Variants in CTNNBL1 observed in about 807,000 individuals in gnomAD.
CTNNBL1 encodes the protein catenin beta like 1, also known as beta-catenin-like protein 1.
In CTNNBL1, 31 loss-of-function variants were observed where a neutral mutation model predicts 72.7. The observed-to-expected ratio is 0.43, with a 90% confidence interval of 0.32 to 0.58. The LOEUF is 0.58. Ranked by LOEUF, CTNNBL1 falls within the 20% of genes least tolerant of loss-of-function variation. The probability of loss-of-function intolerance (pLI) is 0.08; values close to 1 mark genes in which losing one functional copy is unlikely to be tolerated. For missense variants in CTNNBL1, 534 were observed against 725.1 expected (o/e 0.74, Z 3.03); for synonymous variants, 240 against 267.3 (o/e 0.90, Z 1.00).
chr20:37,770,517 A>G (rs1208947430), intron 7 of CTNNBL1, among the ~76,000 whole-genome samples: 1 of 151,532 alleles, frequency 6.6e-6, no homozygotes, highest in Non-Finnish European at 1.5e-5. Flanking sequence ...ATACTGATTC[A>G]GGGATCTTCA....
At chr20:37,842,517 A>G (rs1197256150) in intron 13 of CTNNBL1, 98 bp downstream of exon 13, 7 of 799,146 alleles carry the variant, frequency 8.8e-6, no homozygotes, top group Non-Finnish European at 4.4e-6. Flanking sequence ...TAAGGGCAGC[A>G]GTGCCATCTA....
intron 7 of CTNNBL1, among the ~76,000 whole-genome samples, chr20:37,775,068 C>T (rs188477929): frequency 2.0e-5 from 3 of 152,122 alleles, no homozygotes; most frequent in East Asian, 1.9e-4. Context: ...TTTACAGCAC[C>T]GCTATGCCAA....
intron 5 of CTNNBL1, among the ~76,000 whole-genome samples, chr20:37,763,528 G>A (rs886552362): frequency 2.0e-5 from 3 of 152,126 alleles, no homozygotes; most frequent in African/African-American, 7.2e-5. Context: ...CCTTGTCCGT[G>A]TATTTCCCTT....
intron 11 of CTNNBL1, among the ~76,000 whole-genome samples, chr20:37,830,143 T>G (rs1025503852): frequency 6.6e-6 from 1 of 152,140 alleles, no homozygotes; most frequent in African/African-American, 2.4e-5. Context: ...TTTTTTAAAT[T>G]TTAACAGCTT....
At chr20:37,765,994 C>G (rs1370518582) in intron 6 of CTNNBL1, among the ~76,000 whole-genome samples, 1 of 152,130 alleles carries the variant, frequency 6.6e-6, no homozygotes, top group African/African-American at 2.4e-5. Context: ...TATCTGTAAA[C>G]AGAGCTTGAG....
intron 15 of CTNNBL1, among the ~76,000 whole-genome samples, chr20:37,869,709 G>A (rs1261364610): frequency 2.6e-5 from 4 of 152,248 alleles, no homozygotes; most frequent in Admixed American, 6.5e-5. Flanking sequence ...ACCCGGAGGA[G>A]GTGTGGGACT....
chr20:37,725,306 T>G (rs372423028), intron 1 of CTNNBL1, among the ~76,000 whole-genome samples: 193 of 152,202 alleles, frequency 1.3e-3, no homozygotes, highest in African/African-American at 4.5e-3. Flanking sequence ...TTTGATTTTT[T>G]TTTTTTGAGG....
intron 13 of CTNNBL1, among the ~76,000 whole-genome samples, chr20:37,850,189 G>A (rs915294120): frequency 3.7e-5 from 2 of 54,304 alleles, no homozygotes; most frequent in African/African-American, 1.7e-4. Flanking sequence ...ATTCAAGTGA[G>A]CAGTCTGTTT....
intron 8 of CTNNBL1, 103 bp downstream of exon 8, chr20:37,777,520 C>T: frequency 7.2e-7 from 1 of 1,387,104 alleles, no homozygotes; most frequent in Non-Finnish European, 1.0e-6. Flanking sequence ...CTTGCTCTCC[C>T]TCTCACTCCC....
chr20:37,823,945 A>G (rs532003967), intron 11 of CTNNBL1, among the ~76,000 whole-genome samples: 1 of 152,318 alleles, frequency 6.6e-6, no homozygotes, highest in East Asian at 1.9e-4. Flanking sequence ...CTTACAAAAG[A>G]CCAAAGTCTC....
chr20:37,800,221 C>A (rs150983303), intron 10 of CTNNBL1, among the ~76,000 whole-genome samples: 2 of 152,242 alleles, frequency 1.3e-5, no homozygotes, highest in Middle Eastern at 3.4e-3. Flanking sequence ...CAAGACCAGT[C>A]ACCTCTCTCC....
chr20:37,857,863 C>T (rs6021399), intron 13 of CTNNBL1, among the ~76,000 whole-genome samples: 9 of 152,280 alleles, frequency 5.9e-5, no homozygotes, highest in African/African-American at 2.2e-4. Flanking sequence ...CAAGTCCCCA[C>T]ACCGAGTTCT....
intron 10 of CTNNBL1, among the ~76,000 whole-genome samples, chr20:37,800,423 C>G (rs184029261): frequency 2.0e-5 from 3 of 152,190 alleles, no homozygotes; most frequent in Non-Finnish European, 4.4e-5. Context: ...TCTGCCCTAC[C>G]ACTGCTCTCT....
At chr20:37,694,621 T>C (rs2072774416) in intron 1 of CTNNBL1, among the ~76,000 whole-genome samples, 1 of 152,230 alleles carries the variant, frequency 6.6e-6, no homozygotes, top group South Asian at 2.1e-4. Context: ...GAGACACTAA[T>C]AACTGCCTTA....
chr20:37,790,446 G>A (rs1180482639), intron 10 of CTNNBL1, among the ~76,000 whole-genome samples: 2 of 152,110 alleles, frequency 1.3e-5, no homozygotes, highest in African/African-American at 2.4e-5. Flanking sequence ...TGATGGGGCC[G>A]TATACAGGTT....
chr20:37,854,007 C>A (rs1376835738), intron 13 of CTNNBL1, among the ~76,000 whole-genome samples: 1 of 152,210 alleles, frequency 6.6e-6, no homozygotes, highest in African/African-American at 2.4e-5. Flanking sequence ...TTCAATGCAG[C>A]AATGATGATG....
chr20:37,813,680 C>T (rs899370769), intron 11 of CTNNBL1, among the ~76,000 whole-genome samples: 4 of 152,074 alleles, frequency 2.6e-5, no homozygotes, highest in African/African-American at 7.2e-5. Flanking sequence ...CAGTAGGACT[C>T]TGTTAGTTTT....
intron 11 of CTNNBL1, among the ~76,000 whole-genome samples, chr20:37,819,472 C>T (rs952312371): frequency 6.6e-6 from 1 of 152,156 alleles, no homozygotes; most frequent in African/African-American, 2.4e-5. Context: ...AACTGTCATA[C>T]CTGTACCACT....
At chr20:37,870,325 C>A (rs771146055) in intron 15 of CTNNBL1, among the ~76,000 whole-genome samples, 4 of 152,108 alleles carry the variant, frequency 2.6e-5, no homozygotes, top group Non-Finnish European at 5.9e-5. Context: ...TTCTCTCTCC[C>A]TCCCTTCCCC....
Sources: gnomAD v4.1 joint callset for allele counts (sites outside exome capture counted in the v4.1 genomes callset) on GRCh38, gnomAD v4.1.1 for gene constraint, MANE v1.5 for transcripts, NCBI Gene and HGNC (gene_info 2026-07-23, HGNC 2026-07-21) for gene names.